FAM83D: variants seen among roughly 807,000 people sequenced by gnomAD.
The protein encoded by FAM83D is scaffolding CK1 anchoring protein D, also known as protein FAM83D.
A neutral mutation model predicts 25.4 loss-of-function variants in FAM83D; 26 were observed. That is an observed-to-expected ratio of 1.02 (90% confidence interval 0.75 to 1.42). The LOEUF is 1.42. Among genes scored for constraint, FAM83D ranks in the 40% most tolerant of loss-of-function variants. The pLI is 0.00. For missense variants in FAM83D, 740 were observed against 758.1 expected, an observed-to-expected ratio of 0.98 and a Z score of 0.28; for synonymous variants, 310 against 318.5, an observed-to-expected ratio of 0.97 and a Z score of 0.28.
Position 38,947,956 on chromosome 20 carries a change from G to C in FAM83D, c.732G>C (p.Lys244Asn), listed in dbSNP as rs758987453. Residue 244 changes from lysine (K) to asparagine (N), a missense_variant, in exon 3 of 4, where the codon AAG (lysine) becomes AAC (asparagine). By Grantham distance (94) the Lys-to-Asn change is moderately conservative. Coordinates refer to ENST00000619850, the MANE Select transcript of FAM83D (RefSeq NM_030919.3). Reference protein sequence around the residue: ...GTKIIGKVHEKFTLIDGIRVA... With the variant: ...GTKIIGKVHENFTLIDGIRVA... ...AGATTATTGGGAAGGTTCACGAAAA[G>C]TTCACGTTGATTGATGGCATCCGCG... 1 of 1,614,202 alleles carries C rather than the reference G, an allele frequency of 6.2e-7. No homozygotes were observed. The highest frequency in any genetic ancestry group is 2.2e-5 in the East Asian group (1 of 44,888).
intron 1 of FAM83D, among the ~76,000 whole-genome samples, chr20:38,938,725 C>T (rs143772093): frequency 2.6e-5 from 4 of 152,322 alleles, no homozygotes; most frequent in African/African-American, 4.8e-5. Context: ...TCGCCCACTG[C>T]TCGGCTCTCC....
rs2085635389 is a variant in FAM83D, at chr20:38,926,559, G to T, written c.117G>T (p.Leu39=). Residue 39 remains leucine (L), a synonymous_variant, in exon 1 of 4, where the codon CTG becomes CTT. Transcript: ENST00000619850. The stretch of plus-strand genomic sequence containing the variant: ...CACGGCGCCTGGCTCTGGAGGAGCT[G>T]GTGGCGGGCGGCCCCGAAGCCTTCG... ...SESRRLALEE[L]VAGGPEAFAA... 5 of 1,571,070 alleles carry T rather than the reference G, an allele frequency of 3.2e-6. No individual in the cohort carries two copies. The highest frequency in any genetic ancestry group is 3.4e-6 in the Non-Finnish European group (4 of 1,165,758).
At chr20:38,944,466 T>C (rs2145806071) in intron 2 of FAM83D, among the ~76,000 whole-genome samples, 1 of 152,354 alleles carries the variant, frequency 6.6e-6, no homozygotes, top group South Asian at 2.1e-4. Context: ...AGGTACTCTT[T>C]CTATAATTAA....
chr20:38,942,421 A>G (rs964702488), intron 2 of FAM83D, among the ~76,000 whole-genome samples: 5 of 152,268 alleles, frequency 3.3e-5, no homozygotes, highest in Admixed American at 1.3e-4. Flanking sequence ...CAATCAACTG[A>G]TAAGTGGATA....
In FAM83D at chr20:38,926,450, T is replaced by C. The variant is rs375053183; in HGVS notation, c.8T>C (p.Leu3Pro). The C allele has an allele frequency of 4.4e-6, 7 of 1,598,868 alleles. No homozygotes were observed. Among genetic ancestry groups the C allele is most frequent in the Admixed American group, 3.3e-5 (2 of 59,866 alleles). The part of the protein sequence containing the change: MA[L>P]LSEGLDEVPA... ...TCGAGTCCGAGCGCCGCCATGGCTC[T>C]GCTGTCCGAGGGCCTGGACGAGGTG... The change falls in exon 1 of 4, where the codon CTG becomes CCG. Residue 3 changes from leucine (L) to proline (P), a missense_variant. Physicochemically the swap from Leu to Pro is moderately conservative, Grantham distance 98. Coordinates refer to ENST00000619850, the MANE Select transcript of FAM83D (RefSeq NM_030919.3).
At chr20:38,930,358 AG>A (rs776560853) in intron 1 of FAM83D, among the ~76,000 whole-genome samples, 1 of 152,246 alleles carries the variant, frequency 6.6e-6, no homozygotes, top group Non-Finnish European at 1.5e-5. Context: ...AATTAAGAAA[AG>A]ACCAGGCACA....
At chr20:38,943,830 AC>A (rs1245131048) in intron 2 of FAM83D, among the ~76,000 whole-genome samples, 1 of 152,162 alleles carries the variant, frequency 6.6e-6, no homozygotes, top group African/African-American at 2.4e-5. Flanking sequence ...AGCTGGGATT[AC>A]AGGTGCCCAC....
intron 2 of FAM83D, among the ~76,000 whole-genome samples, chr20:38,945,170 G>C (rs1191502102): frequency 6.6e-6 from 1 of 152,120 alleles, no homozygotes; most frequent in Non-Finnish European, 1.5e-5. Flanking sequence ...TTGATGTGCA[G>C]GCGCTCACAA....
chr20:38,940,721 C>T (rs192987252), intron 1 of FAM83D, among the ~76,000 whole-genome samples: 1 of 152,236 alleles, frequency 6.6e-6, no homozygotes, highest in East Asian at 1.9e-4. Flanking sequence ...ACTGCCCTGC[C>T]AGGAGTTTGC....
chr20:38,947,053 A>G (rs1221775614), intron 2 of FAM83D, among the ~76,000 whole-genome samples: 2 of 152,198 alleles, frequency 1.3e-5, no homozygotes, highest in African/African-American at 2.4e-5. Context: ...TATGGAATCA[A>G]TGAGTCAAAC....
At chr20:38,930,977 C>T (rs1185745162) in intron 1 of FAM83D, among the ~76,000 whole-genome samples, 1 of 152,104 alleles carries the variant, frequency 6.6e-6, no homozygotes, top group Non-Finnish European at 1.5e-5. Context: ...GCCATGTTGC[C>T]CAGGCTGGTG....
chr20:38,931,253 A>T (rs1026947281), intron 1 of FAM83D, among the ~76,000 whole-genome samples: 1 of 152,240 alleles, frequency 6.6e-6, no homozygotes, highest in African/African-American at 2.4e-5. Flanking sequence ...CTTTTCAGGA[A>T]GAAAACGAGG....
chr20:38,945,205 C>T (rs1319120772), intron 2 of FAM83D, among the ~76,000 whole-genome samples: 4 of 152,100 alleles, frequency 2.6e-5, no homozygotes, highest in Admixed American at 2.0e-4. Context: ...ATCACAGAGG[C>T]ATATGCAACA....
Position 38,926,887 on chromosome 20 carries a change from A to G in FAM83D, c.445A>G (p.Lys149Glu). The G allele has an allele frequency of 6.7e-7, 1 of 1,494,032 alleles. No individual in the cohort carries two copies. The highest frequency in any genetic ancestry group is 8.9e-7 in the Non-Finnish European group (1 of 1,125,708). 92.5% of individuals were successfully genotyped at this position (1,494,032 alleles called of 1,614,324 possible). ...TGGCGAAGGTGGCCCCTACGGCTGC[A>G]AGGACGCTCTGCGCCAGCAGCTCCG... is the stretch of plus-strand genomic sequence containing the variant. Reference protein sequence around the residue: ...GAGEGGPYGCKDALRQQLRSA... With the variant: ...GAGEGGPYGCEDALRQQLRSA... The change falls in exon 1 of 4, where the codon AAG (lysine) becomes GAG (glutamate). Residue 149 changes from lysine to glutamate, a missense_variant. Lys to Glu is a moderately conservative substitution (Grantham distance 56). Transcript: ENST00000619850.
Position 38,952,587 on chromosome 20 carries a change from A to C in FAM83D, c.*67A>C. The C allele has an allele frequency of 4.0e-6, 6 of 1,512,926 alleles. No individual in the cohort carries two copies. Among genetic ancestry groups the C allele is most frequent in the Non-Finnish European group, 5.3e-6 (6 of 1,123,460 alleles). 93.7% of individuals were successfully genotyped at this position (1,512,926 alleles called of 1,614,324 possible). ...TGGACATCATCAGCTTCCTGCTTTA[A>C]AAAATATCTTATGTCCCTAATTGCC... is the stretch of plus-strand genomic sequence containing the variant. On this transcript the variant is annotated 3_prime_UTR_variant, in exon 4 of 4. Coordinates refer to ENST00000619850, the MANE Select transcript of FAM83D (RefSeq NM_030919.3).
At chr20:38,928,736 A>G (rs1376775842) in intron 1 of FAM83D, among the ~76,000 whole-genome samples, 1 of 151,786 alleles carries the variant, frequency 6.6e-6, no homozygotes, top group African/African-American at 2.4e-5. Context: ...AGGAGCTCAG[A>G]CTCTCCCTCA....
intron 1 of FAM83D, among the ~76,000 whole-genome samples, chr20:38,938,157 A>G (rs546693673): frequency 7.0e-4 from 107 of 152,316 alleles, no homozygotes; most frequent in African/African-American, 2.5e-3. Context: ...CAAATAGCAA[A>G]TTAGGTATTT....
chr20:38,926,549 T>C lies in FAM83D; in HGVS notation c.107T>C (p.Leu36Pro), dbSNP rs2085635296. Reference sequence around the variant, plus strand: ...TTCAGCGAGTCACGGCGCCTGGCTCTGGAGGAGCTGGTGGCGGGCGGCCCC... The same window carrying C: ...TTCAGCGAGTCACGGCGCCTGGCTCCGGAGGAGCTGGTGGCGGGCGGCCCC... ...ELFSESRRLA[L>P]EELVAGGPEA... Residue 36 changes from leucine (L) to proline (P), a missense_variant, in exon 1 of 4, where the codon CTG (leucine) becomes CCG (proline). Transcript: ENST00000619850. The C allele has an allele frequency of 3.2e-6, 5 of 1,580,000 alleles. No homozygotes were observed. The highest frequency in any genetic ancestry group is 4.3e-6 in the Non-Finnish European group (5 of 1,170,214).
At chr20:38,946,515 G>A (rs2085729309) in intron 2 of FAM83D, among the ~76,000 whole-genome samples, 1 of 152,138 alleles carries the variant, frequency 6.6e-6, no homozygotes, top group Non-Finnish European at 1.5e-5. Context: ...CGTCATGCAT[G>A]CATATCCAGA....
Sources: allele counts gnomAD v4.1 joint callset (sites outside exome capture counted in the v4.1 genomes callset), GRCh38; gene constraint gnomAD v4.1.1; transcripts MANE v1.5; gene names NCBI Gene and HGNC (gene_info 2026-07-23, HGNC 2026-07-21).